GALNT13: variants seen among roughly 807,000 people sequenced by gnomAD.
The protein encoded by GALNT13 is polypeptide N-acetylgalactosaminyltransferase 13, also known as UDP-GalNAc:polypeptide N-acetylgalactosaminyltransferase 13.
In GALNT13, 28 loss-of-function variants were observed where a neutral mutation model predicts 64.2. That is an observed-to-expected ratio of 0.44 (90% CI 0.32 to 0.60). The LOEUF (loss-of-function observed/expected upper bound fraction) is 0.60. Ranked by LOEUF, GALNT13 falls within the 20% of genes least tolerant of loss-of-function variation. The pLI is 0.05. For missense variants in GALNT13, 577 were observed against 669.8 expected (o/e 0.86, Z 1.53); for synonymous variants, 214 against 224.6 (o/e 0.95, Z 0.42).
chr2:153,108,813 A>G, the GALNT13 span, among the ~76,000 whole-genome samples: 33 of 152,264 alleles, frequency 2.2e-4, no homozygotes, highest in East Asian at 4.2e-3. Context: ...GGGAGGTCAT[A>G]TATTTCCCTT....
chr2:153,441,062 A>G, the GALNT13 span, among the ~76,000 whole-genome samples: 10 of 152,114 alleles, frequency 6.6e-5, no homozygotes, highest in South Asian at 2.1e-3. Context: ...GTTCTTTTCT[A>G]GGGTTTTTAT....
chr2:153,553,415 T>C, the GALNT13 span, among the ~76,000 whole-genome samples: 2 of 152,118 alleles, frequency 1.3e-5, no homozygotes, highest in South Asian at 2.1e-4. Flanking sequence ...GGTGGGAGGA[T>C]TGCTTGAGCC....
chr2:153,886,491 C>A (rs907644673), intron 1 of GALNT13, among the ~76,000 whole-genome samples: 1 of 151,758 alleles, frequency 6.6e-6, no homozygotes, highest in Non-Finnish European at 1.5e-5. Context: ...TTTGTAGGGA[C>A]ATGGATGAAG....
intron 3 of GALNT13, among the ~76,000 whole-genome samples, chr2:154,004,660 C>A (rs1696133939): frequency 6.6e-6 from 1 of 152,180 alleles, no homozygotes; most frequent in Admixed American, 6.5e-5. Context: ...GATCAGTTCT[C>A]ATTTCTGATG....
the GALNT13 span, among the ~76,000 whole-genome samples, chr2:153,188,031 CA>C: frequency 3.1e-4 from 47 of 151,592 alleles, no homozygotes; most frequent in African/African-American, 1.1e-3. Context: ...AAAATATCAC[CA>C]AAATGGTAAT....
At chr2:154,098,413 C>T (rs1420402786) in intron 3 of GALNT13, among the ~76,000 whole-genome samples, 1 of 151,654 alleles carries the variant, frequency 6.6e-6, no homozygotes, top group African/African-American at 2.4e-5. Context: ...CTTGTTTAAG[C>T]CCTCTTATTT....
the GALNT13 span, among the ~76,000 whole-genome samples, chr2:153,677,790 C>T: frequency 6.6e-6 from 1 of 152,074 alleles, no homozygotes; most frequent in South Asian, 2.1e-4. Context: ...GAAAGGACTT[C>T]CTATTCAATA....
the GALNT13 span, among the ~76,000 whole-genome samples, chr2:153,326,907 A>G: frequency 6.6e-6 from 1 of 152,046 alleles, no homozygotes; most frequent in Non-Finnish European, 1.5e-5. Flanking sequence ...AACATGGTGA[A>G]ACCCTGTCTC....
At chr2:153,780,234 TATATATATATATATATATATATATGC>T in the GALNT13 span, among the ~76,000 whole-genome samples, 3 of 10,568 alleles carry the variant, frequency 2.8e-4, no homozygotes, top group Admixed American at 5.1e-3. Flanking sequence ...TATATATATA[TATATATATATATATATATATATATGC>T]ATATATATAT....
the GALNT13 span, among the ~76,000 whole-genome samples, chr2:153,774,862 A>G: frequency 6.6e-6 from 1 of 152,198 alleles, no homozygotes; most frequent in East Asian, 1.9e-4. Flanking sequence ...GTGAGCTATC[A>G]TTATGCCACT....
the GALNT13 span, among the ~76,000 whole-genome samples, chr2:153,647,565 A>C: frequency 1.3e-3 from 194 of 152,092 alleles, no homozygotes; most frequent in South Asian, 8.7e-3. Flanking sequence ...AATGGTAATG[A>C]CTAGGTTTTC....
the GALNT13 span, among the ~76,000 whole-genome samples, chr2:153,216,038 A>G: frequency 6.6e-6 from 1 of 151,930 alleles, no homozygotes; most frequent in African/African-American, 2.4e-5. Flanking sequence ...CTATCCATCT[A>G]GTTCTGTCTT....
intron 8 of GALNT13, among the ~76,000 whole-genome samples, chr2:154,273,193 A>G (rs553840760): frequency 6.6e-6 from 1 of 152,284 alleles, no homozygotes; most frequent in Admixed American, 6.5e-5. Context: ...TGTGAATGAC[A>G]GAGGTGGAGG....
intron 12 of GALNT13, among the ~76,000 whole-genome samples, chr2:154,444,288 G>A (rs1211895585): frequency 6.6e-6 from 1 of 151,854 alleles, no homozygotes; most frequent in Non-Finnish European, 1.5e-5. Context: ...TTTTTGAAAG[G>A]GAAATAGTAT....
At chr2:154,373,376 TTC>T (rs1264989160) in intron 9 of GALNT13, among the ~76,000 whole-genome samples, 7 of 152,188 alleles carry the variant, frequency 4.6e-5, no homozygotes, top group Non-Finnish European at 1.0e-4. Context: ...CACCAGAATT[TTC>T]TGTTTCCTTC....
intron 3 of GALNT13, among the ~76,000 whole-genome samples, chr2:154,134,188 A>G (rs1214237199): frequency 1.3e-5 from 2 of 152,256 alleles, no homozygotes; most frequent in African/African-American, 4.8e-5. Context: ...TTCAATAGTT[A>G]GAATCTGTGT....
At chr2:153,939,428 C>G (rs1031179291) in intron 2 of GALNT13, among the ~76,000 whole-genome samples, 2 of 152,098 alleles carry the variant, frequency 1.3e-5, no homozygotes, top group African/African-American at 4.8e-5. Flanking sequence ...TTTATTTAAT[C>G]AAAAGTTGAT....
chr2:154,236,014 G>T, intron 4 of GALNT13: 1 of 1,187,898 alleles, frequency 8.4e-7, no homozygotes, highest in Non-Finnish European at 1.1e-6. Flanking sequence ...AGATCAGCTG[G>T]ATTTATTTTT....
the GALNT13 span, among the ~76,000 whole-genome samples, chr2:153,723,491 T>G: frequency 6.7e-5 from 10 of 148,684 alleles, no homozygotes; most frequent in African/African-American, 2.3e-4. Context: ...GGGTATTCAA[T>G]TAGGAAAAGA....
Sources: gnomAD v4.1 joint callset for allele counts (sites outside exome capture counted in the v4.1 genomes callset) on GRCh38, gnomAD v4.1.1 for gene constraint, MANE v1.5 for transcripts, NCBI Gene and HGNC (gene_info 2026-07-23, HGNC 2026-07-21) for gene names.